Variants in THSD7A observed in about 807,000 individuals in gnomAD.
The protein encoded by THSD7A is thrombospondin type 1 domain containing 7A.
THSD7A carries 96 observed loss-of-function variants against 231.3 expected under a neutral mutation model. That is an observed-to-expected ratio of 0.41 (90% CI 0.35 to 0.49). The LOEUF is 0.49. Among genes scored for constraint, THSD7A ranks in the 20% least tolerant of loss-of-function variants. The pLI is 0.05. For synonymous variants in THSD7A, 940 were observed against 743.3 expected, an observed-to-expected ratio of 1.26 and a Z score of -4.30; for missense variants, 2,290 against 2,070.2, an observed-to-expected ratio of 1.11 and a Z score of -2.06.
chr7:11,736,587 A>G (rs1257372604), intron 1 of THSD7A, among the ~76,000 whole-genome samples: 14 of 152,058 alleles, frequency 9.2e-5, no homozygotes, highest in Non-Finnish European at 1.5e-5. Context: ...CTATAATAAG[A>G]AAGTTCTGAA....
At chr7:11,409,262 A>G (rs1459110682) in intron 19 of THSD7A, among the ~76,000 whole-genome samples, 1 of 152,238 alleles carries the variant, frequency 6.6e-6, no homozygotes, top group Non-Finnish European at 1.5e-5. Context: ...TCTTTGTTAG[A>G]TAACAATGCC....
chr7:11,792,491 T>C (rs1198739599), intron 1 of THSD7A, among the ~76,000 whole-genome samples: 1 of 151,888 alleles, frequency 6.6e-6, no homozygotes, highest in African/African-American at 2.4e-5. Flanking sequence ...AGCCTTATAG[T>C]GGGGACAATC....
intron 2 of THSD7A, among the ~76,000 whole-genome samples, chr7:11,630,001 C>T (rs976084279): frequency 6.6e-6 from 1 of 152,164 alleles, no homozygotes; most frequent in African/African-American, 2.4e-5. Context: ...GTTCAATACT[C>T]TGTAGCCATG....
At chr7:11,513,388 G>A (rs1430228792) in intron 6 of THSD7A, among the ~76,000 whole-genome samples, 2 of 151,866 alleles carry the variant, frequency 1.3e-5, no homozygotes, top group African/African-American at 2.4e-5. Context: ...TTAGTCAAAT[G>A]GAAACATCCC....
chr7:11,706,179 G>A (rs188554998), intron 1 of THSD7A, among the ~76,000 whole-genome samples: 3 of 150,964 alleles, frequency 2.0e-5, no homozygotes, highest in East Asian at 2.0e-4. Flanking sequence ...ACATTAATAT[G>A]TGCTGCTACA....
intron 6 of THSD7A, among the ~76,000 whole-genome samples, chr7:11,513,365 AC>A (rs1388749084): frequency 6.6e-6 from 1 of 152,024 alleles, no homozygotes; most frequent in African/African-American, 2.4e-5. Context: ...AATAAAAAAA[AC>A]CAAAAAACAA....
intron 1 of THSD7A, among the ~76,000 whole-genome samples, chr7:11,682,875 TA>T (rs201174233): frequency 1.3e-4 from 19 of 147,990 alleles, no homozygotes; most frequent in East Asian, 4.0e-4. Flanking sequence ...TCTCAACAAA[TA>T]AAAAAAAAAT....
At chr7:11,774,662 G>C (rs1382459373) in intron 1 of THSD7A, among the ~76,000 whole-genome samples, 1 of 152,136 alleles carries the variant, frequency 6.6e-6, no homozygotes, top group Non-Finnish European at 1.5e-5. Context: ...GTTTTTGTAT[G>C]TCAATTATAA....
intron 2 of THSD7A, among the ~76,000 whole-genome samples, chr7:11,623,349 TG>T (rs1781378803): frequency 6.6e-6 from 1 of 152,034 alleles, no homozygotes; most frequent in Non-Finnish European, 1.5e-5. Flanking sequence ...TGCATGACCC[TG>T]GGGGTGAGTG....
intron 2 of THSD7A, among the ~76,000 whole-genome samples, chr7:11,597,749 C>G (rs1426414525): frequency 6.6e-6 from 1 of 152,174 alleles, no homozygotes; most frequent in Admixed American, 6.5e-5. Flanking sequence ...TCTGACCCAT[C>G]TAGCCATAAA....
intron 1 of THSD7A, among the ~76,000 whole-genome samples, chr7:11,782,740 T>C (rs895495401): frequency 6.6e-6 from 1 of 152,168 alleles, no homozygotes. Flanking sequence ...TGCTGTGAAA[T>C]GCATTTCACT....
intron 4 of THSD7A, among the ~76,000 whole-genome samples, chr7:11,588,254 A>G (rs758716367): frequency 6.6e-6 from 1 of 152,206 alleles, no homozygotes; most frequent in South Asian, 2.1e-4. Flanking sequence ...GGATGCTGGT[A>G]TACTGAGTAT....
intron 6 of THSD7A, among the ~76,000 whole-genome samples, chr7:11,488,262 A>T (rs2128306691): frequency 6.6e-6 from 1 of 152,268 alleles, no homozygotes; most frequent in South Asian, 2.1e-4. Flanking sequence ...TTGACTTTTG[A>T]GAGTGATAGT....
intron 1 of THSD7A, among the ~76,000 whole-genome samples, chr7:11,658,136 A>G (rs1782779272): frequency 6.6e-6 from 1 of 151,760 alleles, no homozygotes; most frequent in Admixed American, 6.6e-5. Flanking sequence ...AGGTTAAAGA[A>G]ATTTGTGCCT....
chr7:11,466,876 C>A (rs1033813017), intron 9 of THSD7A, among the ~76,000 whole-genome samples: 1 of 151,996 alleles, frequency 6.6e-6, no homozygotes, highest in South Asian at 2.1e-4. Context: ...TCCTACCTTC[C>A]CCCAAGAGAC....
intron 9 of THSD7A, among the ~76,000 whole-genome samples, chr7:11,469,121 T>G (rs982754304): frequency 9.2e-5 from 14 of 152,130 alleles, no homozygotes; most frequent in African/African-American, 3.4e-4. Context: ...AATAAAAGCA[T>G]ACAGGAAATT....
intron 1 of THSD7A, among the ~76,000 whole-genome samples, chr7:11,797,055 A>G (rs961109432): frequency 1.3e-5 from 2 of 152,168 alleles, no homozygotes; most frequent in South Asian, 2.1e-4. Context: ...GGGAAACACT[A>G]TGGTTAAACT....
rs1781846962 is a variant in THSD7A at position 11,636,378 on chromosome 7, C to T, written c.774G>A (p.Gly258=). ...AEELRYSLHV[G]PWSTCSMPHS... ...GGGGCATTGAGCAGGTGCTCCAGGGCCCCACATGCAGGCTGTACCTGAGCT... is the reference window on the plus strand; with the variant it reads ...GGGGCATTGAGCAGGTGCTCCAGGGTCCCACATGCAGGCTGTACCTGAGCT... The change falls in exon 2 of 28, where the codon GGG becomes GGA. Residue 258 remains glycine, a synonymous_variant. Coordinates refer to ENST00000423059, the MANE Select transcript of THSD7A (RefSeq NM_015204.3). The surrounding 1 kb of genome is among the most constrained non-coding windows in gnomAD (Gnocchi z 10.0). 2 of 1,613,784 alleles carry T rather than the reference C, an allele frequency of 1.2e-6. No homozygotes were observed. The highest frequency in any genetic ancestry group is 8.5e-7 in the Non-Finnish European group (1 of 1,179,886).
intron 1 of THSD7A, chr7:11,751,340 G>C (rs912088630): frequency 1.3e-5 from 2 of 151,988 alleles, no homozygotes; most frequent in African/African-American, 2.4e-5. Context: ...GGGAGGAAAA[G>C]GCTGCACTCT....
Sources: gnomAD v4.1 joint callset for allele counts (sites outside exome capture counted in the v4.1 genomes callset) on GRCh38, gnomAD v4.1.1 for gene constraint, Gnocchi (gnomAD v3.1) non-coding constraint, MANE v1.5 for transcripts, NCBI Gene and HGNC (gene_info 2026-07-23, HGNC 2026-07-21) for gene names.